Variants in DPP6 observed in about 807,000 individuals in gnomAD.
DPP6 encodes dipeptidyl peptidase like 6, also known as A-type potassium channel modulatory protein DPP6.
A neutral mutation model predicts 122.6 loss-of-function variants in DPP6; 69 were observed. The ratio of observed to expected loss-of-function variants is 0.56; its 90% CI spans 0.46 to 0.69. DPP6 has a LOEUF of 0.69. DPP6 is among the 30% of genes least tolerant of loss of function. DPP6 has a pLI of 0.00. For missense variants in DPP6, 928 were observed against 1,116.9 expected, an observed-to-expected ratio of 0.83 and a Z score of 2.41; for synonymous variants, 418 against 433.1, an observed-to-expected ratio of 0.97 and a Z score of 0.43.
chr7:154,262,871 G>A (rs1218446405), intron 1 of DPP6, among the ~76,000 whole-genome samples: 1 of 152,138 alleles, frequency 6.6e-6, no homozygotes, highest in Non-Finnish European at 1.5e-5. Flanking sequence ...TTCACGCACT[G>A]TTACTGGCTA....
chr7:154,848,439 T>C (rs1276604356), intron 16 of DPP6, among the ~76,000 whole-genome samples: 2 of 152,248 alleles, frequency 1.3e-5, no homozygotes, highest in Admixed American at 6.5e-5. Flanking sequence ...TGAATATTTT[T>C]CATGTATCTA....
At position 154,004,597 on chromosome 7, in the gene DPP6, A is replaced by G. The variant is rs182403816; in HGVS notation, c.51+116863A>G. ...CTTTGGTAATGGCTGTGTTTTTGAT[A>G]TATAGTAAACAATGATAAATCGTTG... On this transcript the variant is annotated intron_variant, in intron 1 of 25. Coordinates refer to the DPP6 transcript ENST00000404039. 8.8e-4 allele frequency among the ~76,000 whole-genome samples: 134 copies of G among 151,682 alleles called. 1 individual carries two copies. The East Asian group carries it at 0.025, about 28-fold the overall frequency.
intron 5 of DPP6, among the ~76,000 whole-genome samples, chr7:154,603,592 G>T (rs1293431720): frequency 2.1e-5 from 2 of 96,712 alleles, no homozygotes; most frequent in African/African-American, 3.3e-5. Context: ...GGAGGTGGAG[G>T]TTGCAATGAG....
chr7:154,349,033 A>C (rs931483355), intron 1 of DPP6, among the ~76,000 whole-genome samples: 1 of 152,238 alleles, frequency 6.6e-6, no homozygotes, highest in Non-Finnish European at 1.5e-5. Flanking sequence ...TACACCTTCC[A>C]ACTGGGCAGA....
chr7:154,449,622 G>A (rs563375000), intron 2 of DPP6, among the ~76,000 whole-genome samples: 1 of 152,108 alleles, frequency 6.6e-6, no homozygotes, highest in Non-Finnish European at 1.5e-5. Flanking sequence ...TGTTCATATA[G>A]AAACTAGTAC....
intron 16 of DPP6, among the ~76,000 whole-genome samples, chr7:154,814,062 G>A (rs1163397098): frequency 6.6e-6 from 1 of 151,730 alleles, no homozygotes; most frequent in Non-Finnish European, 1.5e-5. Context: ...TGTATTTTTA[G>A]TAGAGACGGG....
At position 154,892,894 on chromosome 7, in the gene DPP6, C is replaced by T; in HGVS notation, c.*414C>T. On this transcript the variant is annotated 3_prime_UTR_variant, in exon 26 of 26. Coordinates refer to ENST00000377770, the MANE Select transcript of DPP6 (RefSeq NM_130797.4). Reference sequence around the variant, plus strand: ...GTGTTCCCGTTAGGGACATCACACCCTGTCTCACGTCGCAGTGCCATGGAC... The same window carrying T: ...GTGTTCCCGTTAGGGACATCACACCTTGTCTCACGTCGCAGTGCCATGGAC... 3.8e-6 allele frequency: 2 copies of T among 527,198 alleles called. No homozygotes were observed. Among genetic ancestry groups the T allele is most frequent in the Non-Finnish European group, 7.5e-6 (2 of 265,552 alleles). 32.7% of individuals were successfully genotyped at this position (527,198 alleles called of 1,614,324 possible). A position where few individuals can be genotyped will look rare whatever the true frequency, so the allele number is the denominator to read the frequency against.
chr7:153,978,516 G>A (rs554347900), intron 1 of DPP6, among the ~76,000 whole-genome samples: 1 of 151,858 alleles, frequency 6.6e-6, no homozygotes, highest in Non-Finnish European at 1.5e-5. Context: ...GTTGTTTTTT[G>A]TTTTGCTTTG....
chr7:153,756,516 A>G, the DPP6 span, among the ~76,000 whole-genome samples: 1 of 152,184 alleles, frequency 6.6e-6, no homozygotes, highest in Non-Finnish European at 1.5e-5. Context: ...GGGCATCATG[A>G]AGGTTAGTGA....
At chr7:154,171,161 C>T (rs1797516880) in intron 1 of DPP6, among the ~76,000 whole-genome samples, 1 of 152,234 alleles carries the variant, frequency 6.6e-6, no homozygotes, top group South Asian at 2.1e-4. Flanking sequence ...TGCCTAACTT[C>T]TTTGGGCTTC....
intron 1 of DPP6, among the ~76,000 whole-genome samples, chr7:154,138,867 G>A (rs1795708422): frequency 6.6e-6 from 1 of 152,102 alleles, no homozygotes; most frequent in Non-Finnish European, 1.5e-5. Flanking sequence ...GAAGCTTCCT[G>A]GTACTTAGCA....
At chr7:154,380,130 T>C (rs1245900855) in intron 1 of DPP6, among the ~76,000 whole-genome samples, 1 of 152,186 alleles carries the variant, frequency 6.6e-6, no homozygotes, top group Non-Finnish European at 1.5e-5. Context: ...AATTGTTTCA[T>C]TGATTAAAAA....
intron 1 of DPP6, among the ~76,000 whole-genome samples, chr7:154,193,853 A>T (rs1798731981): frequency 6.6e-6 from 1 of 152,080 alleles, no homozygotes; most frequent in African/African-American, 2.4e-5. Context: ...GAATCCCAGC[A>T]TCCTTGCACA....
At chr7:153,839,074 A>ATGC in the DPP6 span, among the ~76,000 whole-genome samples, 6 of 151,980 alleles carry the variant, frequency 3.9e-5, no homozygotes, top group Admixed American at 6.5e-5. Flanking sequence ...AAGTTTCCAG[A>ATGC]TGCTGCTGCT....
the DPP6 span, among the ~76,000 whole-genome samples, chr7:153,804,285 C>T: frequency 2.6e-5 from 4 of 152,028 alleles, no homozygotes; most frequent in Admixed American, 2.6e-4. Flanking sequence ...CTCCTGACCT[C>T]GGGTGATCCA....
intron 1 of DPP6, among the ~76,000 whole-genome samples, chr7:154,102,226 C>T (rs1805785797): frequency 1.3e-5 from 2 of 152,010 alleles, no homozygotes; most frequent in South Asian, 4.1e-4. Flanking sequence ...ACTCTTGTTG[C>T]CCAGGCTGGA....
chr7:154,823,574 G>A (rs371325368), intron 16 of DPP6, among the ~76,000 whole-genome samples: 8 of 152,146 alleles, frequency 5.3e-5, no homozygotes, highest in East Asian at 3.9e-4. Flanking sequence ...TAAAGAAAAA[G>A]TCACTAAAGT....
chr7:153,774,975 G>GA, the DPP6 span, among the ~76,000 whole-genome samples: 1,986 of 144,302 alleles, frequency 0.014, 48 homozygotes, highest in African/African-American at 0.046. Context: ...CCCTGTCTTG[G>GA]AAAAAAAAAA....
intron 1 of DPP6, among the ~76,000 whole-genome samples, chr7:154,356,598 CTTA>C (rs1475874286): frequency 6.6e-6 from 1 of 151,692 alleles, no homozygotes; most frequent in Non-Finnish European, 1.5e-5. Flanking sequence ...AAAATTCTAA[CTTA>C]TTATATCAAT....
Sources: gnomAD v4.1 joint callset for allele counts (sites outside exome capture counted in the v4.1 genomes callset) on GRCh38, gnomAD v4.1.1 for gene constraint, MANE v1.5 for transcripts, NCBI Gene and HGNC (gene_info 2026-07-23, HGNC 2026-07-21) for gene names.